Variants in JAKMIP2 observed in about 807,000 individuals in gnomAD.
JAKMIP2 encodes the protein janus kinase and microtubule interacting protein 2.
A neutral mutation model predicts 115.0 loss-of-function variants in JAKMIP2; 25 were observed. That is an observed-to-expected ratio of 0.22 (90% CI 0.16 to 0.30). The LOEUF (loss-of-function observed/expected upper bound fraction) is 0.30. JAKMIP2 is among the 10% of genes least tolerant of loss of function. JAKMIP2 has a pLI of 1.00. For missense variants in JAKMIP2, 642 were observed against 957.6 expected, an observed-to-expected ratio of 0.67 and a Z score of 4.35; for synonymous variants, 334 against 343.6, an observed-to-expected ratio of 0.97 and a Z score of 0.31.
At chr5:147,612,105 T>G (rs769280478) in intron 20 of JAKMIP2, 1 of 722,014 alleles carries the variant, frequency 1.4e-6, no homozygotes. Context: ...AAAAGACAAA[T>G]ATGTGAAGGC....
intron 1 of JAKMIP2, among the ~76,000 whole-genome samples, chr5:147,713,817 G>C (rs1366785043): frequency 6.6e-6 from 1 of 152,110 alleles, no homozygotes; most frequent in South Asian, 2.1e-4. Flanking sequence ...AGGTAAGCTT[G>C]ATTATTATTC....
At chr5:147,674,671 G>A (rs1406393992) in intron 1 of JAKMIP2, among the ~76,000 whole-genome samples, 2 of 152,172 alleles carry the variant, frequency 1.3e-5, no homozygotes, top group African/African-American at 2.4e-5. Flanking sequence ...ATCATTGGAC[G>A]AAGGGCTTAA....
At chr5:147,697,343 A>G (rs746813056) in intron 1 of JAKMIP2, among the ~76,000 whole-genome samples, 8 of 152,168 alleles carry the variant, frequency 5.3e-5, no homozygotes, top group African/African-American at 7.2e-5. Context: ...ACCAGCCCCC[A>G]TGATTCAATT....
Position 147,627,382 on chromosome 5 carries a change from A to G in JAKMIP2, c.1995+1369T>C, listed in dbSNP as rs1757144835. On this transcript the variant is annotated intron_variant, in intron 16 of 21. Coordinates refer to ENST00000616793, the MANE Select transcript of JAKMIP2 (RefSeq NM_001270941.2). ...GGTAAAAAGATCAGTGTAAAGGACCAAGAGTGGAGAATGGAGAGAGAAAGA... is the reference window on the plus strand; with the variant it reads ...GGTAAAAAGATCAGTGTAAAGGACCGAGAGTGGAGAATGGAGAGAGAAAGA... Among the ~76,000 whole-genome samples, 3 of 152,148 alleles carry G rather than the reference A, an allele frequency of 2.0e-5. No individual in the cohort carries two copies. The South Asian group carries it at 6.2e-4, about 32-fold the overall frequency.
chr5:147,710,388 C>T (rs191210463), intron 1 of JAKMIP2, among the ~76,000 whole-genome samples: 1 of 152,094 alleles, frequency 6.6e-6, no homozygotes, highest in African/African-American at 2.4e-5. Context: ...GTTAAAAAGA[C>T]TAAAATCAGG....
Position 147,773,594 on chromosome 5 carries a change from G to T in JAKMIP2, c.-149+8862C>A, listed in dbSNP as rs551899048. Among the ~76,000 whole-genome samples the T allele has an allele frequency of 5.9e-5, 9 of 152,204 alleles. No homozygotes were observed. In the South Asian group the frequency reaches 1.9e-3, roughly 32 times the overall value. ...TGATTTCAATAACCGTACGTAGGAT[G>T]AAAGGAGAAAAACATAAAGTCACAT... is the stretch of plus-strand genomic sequence containing the variant. On this transcript the variant is annotated intron_variant, in intron 1 of 21. Coordinates refer to ENST00000616793, the MANE Select transcript of JAKMIP2 (RefSeq NM_001270941.2).
intron 1 of JAKMIP2, among the ~76,000 whole-genome samples, chr5:147,721,550 G>T (rs1265644563): frequency 2.0e-5 from 3 of 152,200 alleles, no homozygotes; most frequent in Non-Finnish European, 4.4e-5. Context: ...ATAATCTCGT[G>T]GTGCGCCGTT....
intron 1 of JAKMIP2, among the ~76,000 whole-genome samples, chr5:147,692,920 G>A (rs1407829684): frequency 2.0e-5 from 3 of 152,274 alleles, no homozygotes; most frequent in Non-Finnish European, 4.4e-5. Flanking sequence ...TGTGAAAAAT[G>A]AGAACAAATC....
At chr5:147,616,669 G>A (rs1390603721) in intron 19 of JAKMIP2, among the ~76,000 whole-genome samples, 3 of 152,178 alleles carry the variant, frequency 2.0e-5, no homozygotes, top group Admixed American at 6.5e-5. Context: ...TGATGGCATA[G>A]AGTCTATTAT....
chr5:147,605,647 T>G (rs1222803109), intron 20 of JAKMIP2, among the ~76,000 whole-genome samples: 1 of 152,170 alleles, frequency 6.6e-6, no homozygotes, highest in Non-Finnish European at 1.5e-5. Context: ...ATCCTTTGGG[T>G]TATATATCCA....
intron 4 of JAKMIP2, 95 bp downstream of exon 4, chr5:147,650,243 T>C (rs1414694064): frequency 1.3e-6 from 1 of 786,572 alleles, no homozygotes; most frequent in Non-Finnish European, 2.2e-6. Flanking sequence ...GATTTCTTTG[T>C]AGTAAACAAG....
intron 9 of JAKMIP2, 35 bp from the exon 10 acceptor site, chr5:147,639,795 T>C (rs1390885898): frequency 6.2e-7 from 1 of 1,606,634 alleles, no homozygotes; most frequent in Non-Finnish European, 8.5e-7. Flanking sequence ...AAAACAATTG[T>C]GTTATGTTCA....
Position 147,782,491 on chromosome 5 carries a change from A to G in JAKMIP2, c.-184T>C, listed in dbSNP as rs1288562828. 6.5e-7 allele frequency: 1 copy of G among 1,535,622 alleles called. No homozygotes were observed. Among genetic ancestry groups the G allele is most frequent in the Non-Finnish European group, 8.7e-7 (1 of 1,146,492 alleles). ...CCCGGAGAAGCTGTTTAAAGGAGGG[A>G]GAGATGCAAACTGAATCCATTTTCC... On this transcript the variant is annotated 5_prime_UTR_variant, in exon 1 of 22. Coordinates refer to ENST00000616793, the MANE Select transcript of JAKMIP2 (RefSeq NM_001270941.2).
Position 147,742,153 on chromosome 5 carries a change from A to ATTTT in JAKMIP2, c.-149+40302_-149+40303insAAAA, listed in dbSNP as rs759308175. 2.5e-4 allele frequency among the ~76,000 whole-genome samples: 28 copies of ATTTT among 110,380 alleles called. 1 individual carries two copies. Among genetic ancestry groups the ATTTT allele is most frequent in the South Asian group, 3.5e-4 (1 of 2,848 alleles). 72.4% of individuals were successfully genotyped at this position (110,380 alleles called of 152,430 possible). A position where few individuals can be genotyped will look rare whatever the true frequency, so the allele number is the denominator to read the frequency against. ...CCTGTGGATCATTATATATATATAT[A>ATTTT]TATTTTTTTTACTATTGTATTGTAT... On this transcript the variant is annotated intron_variant, in intron 1 of 21. Coordinates refer to ENST00000616793, the MANE Select transcript of JAKMIP2 (RefSeq NM_001270941.2).
chr5:147,757,870 T>C (rs574084516), intron 1 of JAKMIP2, among the ~76,000 whole-genome samples: 1 of 152,168 alleles, frequency 6.6e-6, no homozygotes, highest in Non-Finnish European at 1.5e-5. Flanking sequence ...ATTTGACATA[T>C]ATGGAATCAA....
At chr5:147,633,219 A>G (rs1757452552) in intron 12 of JAKMIP2, among the ~76,000 whole-genome samples, 1 of 152,198 alleles carries the variant, frequency 6.6e-6, no homozygotes, top group Admixed American at 6.5e-5. Flanking sequence ...ATTACTACAG[A>G]AGAAACCAGC....
At chr5:147,637,640 G>A (rs1038745105) in intron 10 of JAKMIP2, among the ~76,000 whole-genome samples, 5 of 151,612 alleles carry the variant, frequency 3.3e-5, no homozygotes, top group Non-Finnish European at 5.9e-5. Flanking sequence ...GGGTTTCACC[G>A]TGTTGGCCTG....
chr5:147,764,912 AAGAAAGAAAGAG>A (rs1206628772), intron 1 of JAKMIP2, among the ~76,000 whole-genome samples: 2 of 93,608 alleles, frequency 2.1e-5, no homozygotes, highest in African/African-American at 6.0e-5. Context: ...GAAAGAAAGA[AAGAAAGAAAGAG>A]AGAGAGAGAG....
intron 1 of JAKMIP2, among the ~76,000 whole-genome samples, chr5:147,734,665 G>A (rs1186268020): frequency 6.6e-6 from 1 of 150,542 alleles, no homozygotes; most frequent in Admixed American, 6.6e-5. Flanking sequence ...AAAAAAAAAA[G>A]GAACGCCTTT....
Sources: allele counts gnomAD v4.1 joint callset (sites outside exome capture counted in the v4.1 genomes callset), GRCh38; gene constraint gnomAD v4.1.1; transcripts MANE v1.5; gene names NCBI Gene and HGNC (gene_info 2026-07-23, HGNC 2026-07-21).